The following CNN2 variants were observed in gnomAD, a reference collection of about 807,000 sequenced individuals.
The protein encoded by CNN2 is calponin-2.
In CNN2, 21 loss-of-function variants were observed where a neutral mutation model predicts 31.0. The observed-to-expected ratio is 0.68, with a 90% confidence interval of 0.48 to 0.98. The LOEUF (loss-of-function observed/expected upper bound fraction) is 0.98, where lower values mean the gene tolerates loss of function less well. Ranked by LOEUF, CNN2 falls within the 50% of genes least tolerant of loss-of-function variation. The pLI is 0.00. For missense variants in CNN2, 399 were observed against 427.3 expected, an observed-to-expected ratio of 0.93 and a Z score of 0.58; for synonymous variants, 165 against 179.6, an observed-to-expected ratio of 0.92 and a Z score of 0.65.
At chr19:1,027,724 C>T (rs1026127226) in intron 1 of CNN2, among the ~76,000 whole-genome samples, 11 of 149,740 alleles carry the variant, frequency 7.3e-5, no homozygotes, top group Admixed American at 7.3e-4. Flanking sequence ...GGGGTGTCGT[C>T]CCCGCCCACC....
intron 4 of CNN2, among the ~76,000 whole-genome samples, chr19:1,033,690 CG>C (rs1270614525): frequency 0.047 from 3,510 of 74,990 alleles, 359 homozygotes; most frequent in Middle Eastern, 0.17. Flanking sequence ...GGGTGGGACA[CG>C]GTGTCTGGTG....
rs1317299941 is a variant in CNN2, at chr19:1,037,688, T to G, written c.718T>G (p.Cys240Gly). ...TGATACCAAGCTGGGAACCGACAAG[T>G]GTGACAACTCCTCCATGTCCCTGCA... ...IYDTKLGTDK[C>G]DNSSMSLQMG... is the part of the protein sequence containing the mutation. Residue 240 changes from cysteine to glycine, a missense_variant, in exon 7 of 7, where the codon TGT becomes GGT. By Grantham distance (159) the Cys-to-Gly change is radical. Transcript: ENST00000263097. 1.6e-5 allele frequency: 25 copies of G among 1,611,424 alleles called. No homozygotes were observed. Among genetic ancestry groups the G allele is most frequent in the Non-Finnish European group, 2.1e-5 (25 of 1,180,018 alleles).
In CNN2 at chr19:1,032,696, G is replaced by C; in HGVS notation, c.390G>C (p.Lys130Asn). ...VQVSLLALAG[K>N]AKTKGLQSGV... ...TGTCTCTTCTCGCCCTGGCGGGGAA[G>C]GTGAGGCCCAGAGAGGGGCAGCCAC... The change falls in exon 4 of 7, where the codon AAG becomes AAC. Residue 130 changes from lysine (K) to asparagine (N), a missense_variant and splice_region_variant. By Grantham distance (94) the Lys-to-Asn change is moderately conservative. Coordinates refer to ENST00000263097, the MANE Select transcript of CNN2 (RefSeq NM_004368.4). 1 of 1,607,428 alleles carries C rather than the reference G, an allele frequency of 6.2e-7. No homozygotes were observed. The highest frequency in any genetic ancestry group is 8.5e-7 in the Non-Finnish European group (1 of 1,177,310).
At chr19:1,035,778 CT>C (rs2039572032) in intron 4 of CNN2, among the ~76,000 whole-genome samples, 2 of 152,106 alleles carry the variant, frequency 1.3e-5, no homozygotes, top group African/African-American at 2.4e-5. Flanking sequence ...AAAAATTAGC[CT>C]GGCGTGGTGG....
chr19:1,037,451 T>G lies in CNN2; in HGVS notation c.655-174T>G, dbSNP rs1043881236. 4 of 773,006 alleles carry G rather than the reference T, an allele frequency of 5.2e-6. No individual in the cohort carries two copies. In the South Asian group the frequency reaches 7.1e-5, roughly 14 times the overall value. 47.9% of individuals were successfully genotyped at this position (773,006 alleles called of 1,614,324 possible). ...CCACGCCCAGCTAATTTTGTATTTT[T>G]GGGAGAGACAGGGTTTCACCGTGTT... On this transcript the variant is annotated intron_variant, in intron 6 of 6. Coordinates refer to ENST00000263097, the MANE Select transcript of CNN2 (RefSeq NM_004368.4).
At position 1,032,516 on chromosome 19, in the gene CNN2, G is replaced by T. The variant is rs368120556; in HGVS notation, c.253-43G>T. On this transcript the variant is annotated intron_variant, in intron 3 of 6. Coordinates refer to ENST00000263097, the MANE Select transcript of CNN2 (RefSeq NM_004368.4). ...GCTGGGGGCCCATCTAACAGGTGGG[G>T]AGACTGAGGCCCACTCACTGTCCCT... is the stretch of plus-strand genomic sequence containing the variant. 7 of 1,613,388 alleles carry T rather than the reference G, an allele frequency of 4.3e-6. No individual in the cohort carries two copies. In the African/African-American group the frequency reaches 9.3e-5, roughly 22 times the overall value.
Position 1,035,289 on chromosome 19 carries a change from C to T in CNN2, c.391-841C>T, listed in dbSNP as rs556742346. 5.9e-5 allele frequency among the ~76,000 whole-genome samples: 9 copies of T among 151,964 alleles called. 1 individual carries two copies. Among genetic ancestry groups the T allele is most frequent in the African/African-American group, 1.7e-4 (7 of 41,326 alleles). Reference sequence around the variant, plus strand: ...TGTGTGTTTGTGACATGGTGTCTCACGTAGAAGGAACAGCAAGGTCTTGAC... The same window carrying T: ...TGTGTGTTTGTGACATGGTGTCTCATGTAGAAGGAACAGCAAGGTCTTGAC... On this transcript the variant is annotated intron_variant, in intron 4 of 6. Transcript: ENST00000263097.
At chr19:1,031,533 C>T (rs1255772175) in intron 2 of CNN2, among the ~76,000 whole-genome samples, 4 of 129,846 alleles carry the variant, frequency 3.1e-5, no homozygotes, top group Non-Finnish European at 6.3e-5. Flanking sequence ...CCATTGCACT[C>T]CAGCCGGGGT....
chr19:1,032,860 C>T (rs1433374902), intron 4 of CNN2, 164 bp downstream of exon 4: 2 of 594,432 alleles, frequency 3.4e-6, no homozygotes, highest in African/African-American at 3.7e-5. Flanking sequence ...CTCACTGCAA[C>T]CTCCAACTCC....
At chr19:1,036,914 C>T (rs11670441) in intron 6 of CNN2, 54,437 of 350,940 alleles carry the variant, frequency 0.16, 4,823 homozygotes, top group Non-Finnish European at 0.19. Context: ...AGTGCAGTGG[C>T]ACGATCTCGG....
chr19:1,030,270 A>G (rs1457714648), intron 1 of CNN2, among the ~76,000 whole-genome samples: 1 of 152,150 alleles, frequency 6.6e-6, no homozygotes, highest in African/African-American at 2.4e-5. Flanking sequence ...ATCGGTGGCA[A>G]GGAGCCAGGT....
Position 1,038,187 on chromosome 19 carries a change from C to A in CNN2, c.*287C>A. The A allele has an allele frequency of 2.8e-6, 1 of 355,862 alleles. No individual in the cohort carries two copies. The allele number at this position is 355,862 out of a possible 1,614,324, so 22.0% of individuals were successfully genotyped here. ...TCAGGCTGTGCTGGGAAGAAGAGACCTGGGCTTGGAAGGAACCGGTCCCCG... is the reference window on the plus strand; with the variant it reads ...TCAGGCTGTGCTGGGAAGAAGAGACATGGGCTTGGAAGGAACCGGTCCCCG... On this transcript the variant is annotated 3_prime_UTR_variant, in exon 7 of 7. Coordinates refer to ENST00000263097, the MANE Select transcript of CNN2 (RefSeq NM_004368.4).
intron 6 of CNN2, 24 bp downstream of exon 6, chr19:1,036,586 G>T (rs754012147): frequency 3.1e-6 from 5 of 1,613,312 alleles, no homozygotes; most frequent in Non-Finnish European, 4.2e-6. Context: ...GGGTGCCCCC[G>T]ACTCCTCTCC....
chr19:1,028,759 C>T (rs1568416940), intron 1 of CNN2, among the ~76,000 whole-genome samples: 1 of 152,240 alleles, frequency 6.6e-6, no homozygotes, highest in East Asian at 1.9e-4. Context: ...GGACCTGGGC[C>T]CCTGAGCCGG....
In CNN2 at chr19:1,038,001, T is replaced by C; in HGVS notation, c.*101T>C. 8.2e-7 allele frequency: 1 copy of C among 1,219,956 alleles called. No individual in the cohort carries two copies. The highest frequency in any genetic ancestry group is 1.1e-6 in the Non-Finnish European group (1 of 886,286). 75.6% of individuals were successfully genotyped at this position (1,219,956 alleles called of 1,614,324 possible). On this transcript the variant is annotated 3_prime_UTR_variant, in exon 7 of 7. Transcript: ENST00000263097. ...TTTTTTTTCTTAACCCGTTCAGTGCTGCCAGTCAACCAAGGGTCTGTGAGT... is the reference window on the plus strand; with the variant it reads ...TTTTTTTTCTTAACCCGTTCAGTGCCGCCAGTCAACCAAGGGTCTGTGAGT...
chr19:1,029,071 C>A (rs2569793), intron 1 of CNN2, among the ~76,000 whole-genome samples: 3 of 142,842 alleles, frequency 2.1e-5, no homozygotes, highest in African/African-American at 7.9e-5. Flanking sequence ...TAACCCAAAT[C>A]ATCCCAGGCA....
intron 1 of CNN2, 104 bp from the exon 2 acceptor site, chr19:1,030,967 C>T (rs900758044): frequency 3.6e-6 from 5 of 1,388,468 alleles, no homozygotes; most frequent in South Asian, 1.4e-5. Flanking sequence ...GCTCTATCTG[C>T]TGTTGCCCTG....
At chr19:1,035,360 C>T (rs996183198) in intron 4 of CNN2, among the ~76,000 whole-genome samples, 1 of 152,046 alleles carries the variant, frequency 6.6e-6, no homozygotes, top group African/African-American at 2.4e-5. Flanking sequence ...CTGGTTTTCT[C>T]CTGGGGTAAC....
rs146008436 is a variant in CNN2 at position 1,032,863 on chromosome 19, C to G, written c.390+167C>G. The G allele has an allele frequency of 2.5e-4, 147 of 593,836 alleles. 1 individual carries two copies. In the East Asian group the frequency reaches 4.2e-3, roughly 17 times the overall value. 36.8% of individuals were successfully genotyped at this position (593,836 alleles called of 1,614,324 possible). ...GCGTGATCTCAGCTCACTGCAACCT[C>G]CAACTCCCAGGTTCAAGCGATTCTT... On this transcript the variant is annotated intron_variant, in intron 4 of 6. Coordinates refer to ENST00000263097, the MANE Select transcript of CNN2 (RefSeq NM_004368.4).
Sources: allele counts gnomAD v4.1 joint callset (sites outside exome capture counted in the v4.1 genomes callset), GRCh38; gene constraint gnomAD v4.1.1; transcripts MANE v1.5; gene names NCBI Gene and HGNC (gene_info 2026-07-23, HGNC 2026-07-21).